BTNL9: variants seen among roughly 807,000 people sequenced by gnomAD.
BTNL9 encodes butyrophilin-like protein 9.
A neutral mutation model predicts 45.8 loss-of-function variants in BTNL9; 45 were observed. The observed-to-expected ratio is 0.98, with a 90% CI of 0.77 to 1.26. The LOEUF (loss-of-function observed/expected upper bound fraction) is 1.26. BTNL9 is among the 50% of genes most tolerant of loss of function. The pLI, the probability that BTNL9 is intolerant of heterozygous loss-of-function variation, is 0.00. For missense variants in BTNL9, 784 were observed against 729.7 expected (o/e 1.07, Z -0.86); for synonymous variants, 346 against 330.8 (o/e 1.05, Z -0.50).
intron 10 of BTNL9, among the ~76,000 whole-genome samples, chr5:181,058,649 C>T (rs1027272697): frequency 6.6e-6 from 1 of 151,976 alleles, no homozygotes; most frequent in Non-Finnish European, 1.5e-5. Context: ...TATTTGCAGG[C>T]GAGAGTGCAG....
At chr5:181,044,343 A>G (rs1760971263) in intron 1 of BTNL9, among the ~76,000 whole-genome samples, 1 of 152,150 alleles carries the variant, frequency 6.6e-6, no homozygotes, top group South Asian at 2.1e-4. Flanking sequence ...TCTCGGAAGA[A>G]AAGCCAAGCC....
At position 181,050,462 on chromosome 5, in the gene BTNL9, C is replaced by A. The variant is rs941437409; in HGVS notation, c.736+93C>A. 1.4e-6 allele frequency: 2 copies of A among 1,425,602 alleles called. No individual in the cohort carries two copies. Among genetic ancestry groups the A allele is most frequent in the African/African-American group, 1.4e-5 (1 of 70,738 alleles). 88.3% of individuals were successfully genotyped at this position (1,425,602 alleles called of 1,614,324 possible). A position where few individuals can be genotyped will look rare whatever the true frequency, so the allele number is the denominator to read the frequency against. ...AGTCTATAAAGACACAATGGTACTG[C>A]GCCTGTCTGCATATAGGGTGTGTTG... On this transcript the variant is annotated intron_variant, in intron 4 of 10. Coordinates refer to ENST00000327705, the MANE Select transcript of BTNL9 (RefSeq NM_152547.5). This position sits in a 1 kb window ranked among gnomAD's most constrained non-coding sequence, Gnocchi z 4.9.
intron 7 of BTNL9, chr5:181,054,913 T>A: frequency 2.0e-6 from 2 of 985,476 alleles, no homozygotes; most frequent in South Asian, 9.4e-5. Context: ...CCCAGGAGCA[T>A]TTACTTTTGA....
At chr5:181,044,495 A>G (rs1315880158) in intron 1 of BTNL9, among the ~76,000 whole-genome samples, 11 of 152,178 alleles carry the variant, frequency 7.2e-5, no homozygotes, top group African/African-American at 2.7e-4. Flanking sequence ...GGCAGGGGGA[A>G]GGGAGGTGCT....
rs554719461 is a variant in BTNL9, at chr5:181,042,877, G to C, written c.-24+2445G>C. ...TGGTCTGTGGCCAGCTGGTTCCTGA[G>C]ACGGTCATGGTTTTGGGTAACAGGA... On this transcript the variant is annotated intron_variant, in intron 1 of 10. Coordinates refer to ENST00000327705, the MANE Select transcript of BTNL9 (RefSeq NM_152547.5). This position sits in a 1 kb window ranked among gnomAD's most constrained non-coding sequence, Gnocchi z 4.5. 3.9e-5 allele frequency among the ~76,000 whole-genome samples: 6 copies of C among 152,258 alleles called. No homozygotes were observed. Among genetic ancestry groups the C allele is most frequent in the Admixed American group, 3.9e-4 (6 of 15,274 alleles).
Position 181,059,962 on chromosome 5 carries a change from C to A in BTNL9, c.*100C>A. On this transcript the variant is annotated 3_prime_UTR_variant, in exon 11 of 11. Transcript: ENST00000327705. ...GTCTGAAGGGAGCAGGTGCACCAGC[C>A]AAAATGTCAGCGAGGGGGACAAAGA... is the stretch of plus-strand genomic sequence containing the variant. 2.7e-6 allele frequency: 3 copies of A among 1,105,250 alleles called. No individual in the cohort carries two copies. The highest frequency in any genetic ancestry group is 1.6e-5 in the South Asian group (1 of 60,748). 68.5% of individuals were successfully genotyped at this position (1,105,250 alleles called of 1,614,324 possible).
intron 1 of BTNL9, 104 bp from the exon 2 acceptor site, chr5:181,045,363 A>T (rs1761041008): frequency 7.7e-6 from 5 of 648,844 alleles, no homozygotes; most frequent in Non-Finnish European, 1.4e-5. Context: ...TTTGAGAACT[A>T]GACAAAAATA....
Position 181,060,740 on chromosome 5 carries a change from A to G in BTNL9, c.*878A>G, listed in dbSNP as rs996588791. On this transcript the variant is annotated 3_prime_UTR_variant, in exon 11 of 11. Transcript: ENST00000327705. Reference sequence around the variant, plus strand: ...TGAAAGGGGAAAGGTTACCTTTACAATGGAGACATCTACCAGATCATCCAA... The same window carrying G: ...TGAAAGGGGAAAGGTTACCTTTACAGTGGAGACATCTACCAGATCATCCAA... 2 of 152,182 alleles carry G rather than the reference A, an allele frequency of 1.3e-5. No individual in the cohort carries two copies. Among genetic ancestry groups the G allele is most frequent in the African/African-American group, 4.8e-5 (2 of 41,428 alleles). 9.4% of individuals were successfully genotyped at this position (152,182 alleles called of 1,614,324 possible).
At position 181,055,830 on chromosome 5, in the gene BTNL9, C is replaced by A; in HGVS notation, c.929-159C>A. 1.2e-6 allele frequency: 1 copy of A among 822,940 alleles called. No homozygotes were observed. Among genetic ancestry groups the A allele is most frequent in the Non-Finnish European group, 2.2e-6 (1 of 463,060 alleles). 51.0% of individuals were successfully genotyped at this position (822,940 alleles called of 1,614,324 possible). On this transcript the variant is annotated intron_variant, in intron 8 of 10. Transcript: ENST00000327705. The surrounding 1 kb of genome is among the most constrained non-coding windows in gnomAD (Gnocchi z 4.4). ...TTGCATCTGATTCCCCATATATCTTCTTCTCATCTCCCAACCAGGTATGAT... is the reference window on the plus strand; with the variant it reads ...TTGCATCTGATTCCCCATATATCTTATTCTCATCTCCCAACCAGGTATGAT...
Position 181,053,109 on chromosome 5 carries a change from G to A in BTNL9, c.737-91G>A. On this transcript the variant is annotated intron_variant, in intron 4 of 10. Coordinates refer to ENST00000327705, the MANE Select transcript of BTNL9 (RefSeq NM_152547.5). The surrounding 1 kb of genome is among the most constrained non-coding windows in gnomAD (Gnocchi z 6.5). Reference sequence around the variant, plus strand: ...GTGGCGCCCGGAGAAGGTCCCGCGGGAGGTTTCCCGGCACGCGGCGGGCAG... The same window carrying A: ...GTGGCGCCCGGAGAAGGTCCCGCGGAAGGTTTCCCGGCACGCGGCGGGCAG... 2.6e-6 allele frequency: 3 copies of A among 1,136,906 alleles called. No individual in the cohort carries two copies. Among genetic ancestry groups the A allele is most frequent in the Non-Finnish European group, 3.7e-6 (3 of 812,428 alleles). 70.4% of individuals were successfully genotyped at this position (1,136,906 alleles called of 1,614,324 possible).
At position 181,042,919 on chromosome 5, in the gene BTNL9, C is replaced by T. The variant is rs1235432981; in HGVS notation, c.-24+2487C>T. On this transcript the variant is annotated intron_variant, in intron 1 of 10. Coordinates refer to ENST00000327705, the MANE Select transcript of BTNL9 (RefSeq NM_152547.5). This position sits in a 1 kb window ranked among gnomAD's most constrained non-coding sequence, Gnocchi z 4.5. ...GTAACAGGAGTGACGGAAGGGTGTA[C>T]CCAGACACACGACGTAGCTGGTGAG... Among the ~76,000 whole-genome samples the T allele has an allele frequency of 6.6e-6, 1 of 151,806 alleles. No individual in the cohort carries two copies. Among genetic ancestry groups the T allele is most frequent in the African/African-American group, 2.4e-5 (1 of 41,288 alleles).
chr5:181,053,515 G>T lies in BTNL9; in HGVS notation c.886+14G>T, dbSNP rs756274746. ...AGAAGAGACAAGGTGAGCGGGGACA[G>T]GGCGTTCTGCACGCACCTGCCCAAG... On this transcript the variant is annotated intron_variant, in intron 6 of 10. Transcript: ENST00000327705. This position sits in a 1 kb window ranked among gnomAD's most constrained non-coding sequence, Gnocchi z 6.5. 7.0e-6 allele frequency: 11 copies of T among 1,574,244 alleles called. No homozygotes were observed. Among genetic ancestry groups the T allele is most frequent in the Non-Finnish European group, 7.8e-6 (9 of 1,159,844 alleles).
rs1247378718 is a variant in BTNL9, at chr5:181,042,013, C to A, written c.-24+1581C>A. Among the ~76,000 whole-genome samples the A allele has an allele frequency of 1.3e-5, 2 of 151,994 alleles. No individual in the cohort carries two copies. The highest frequency in any genetic ancestry group is 4.8e-5 in the African/African-American group (2 of 41,376). On this transcript the variant is annotated intron_variant, in intron 1 of 10. Transcript: ENST00000327705. The surrounding 1 kb of genome is among the most constrained non-coding windows in gnomAD (Gnocchi z 4.5). The stretch of plus-strand genomic sequence containing the variant: ...TTTAAAGACAGACTCGACGGAGGGA[C>A]CGGAAATCAGAAAAACATCAGGGTT...
At position 181,059,891 on chromosome 5, in the gene BTNL9, C is replaced by G. The variant is rs770398660; in HGVS notation, c.*29C>G. The G allele has an allele frequency of 2.0e-6, 3 of 1,476,718 alleles. No homozygotes were observed. Among genetic ancestry groups the G allele is most frequent in the African/African-American group, 2.8e-5 (2 of 71,534 alleles). 91.5% of individuals were successfully genotyped at this position (1,476,718 alleles called of 1,614,324 possible). A position where few individuals can be genotyped will look rare whatever the true frequency, so the allele number is the denominator to read the frequency against. On this transcript the variant is annotated 3_prime_UTR_variant, in exon 11 of 11. Transcript: ENST00000327705. ...GCCCTCGTGGCCGCGGGACTGGCCC[C>G]GGGGGGCCCCCTGGATCCCAGGCCA...
At chr5:181,046,391 C>A (rs988124225) in intron 2 of BTNL9, among the ~76,000 whole-genome samples, 3 of 152,124 alleles carry the variant, frequency 2.0e-5, no homozygotes, top group Non-Finnish European at 4.4e-5. Flanking sequence ...TAGCAGGGAG[C>A]AGAGCAAGAC....
At position 181,053,399 on chromosome 5, in the gene BTNL9, C is replaced by T. The variant is rs1029884664; in HGVS notation, c.854-70C>T. 2.6e-6 allele frequency: 4 copies of T among 1,532,248 alleles called. No homozygotes were observed. In the African/African-American group the frequency reaches 4.1e-5, roughly 16 times the overall value. 94.9% of individuals were successfully genotyped at this position (1,532,248 alleles called of 1,614,324 possible). A position where few individuals can be genotyped will look rare whatever the true frequency, so the allele number is the denominator to read the frequency against. ...CGCGGAGGCGCCTCCCCCCAGGACGCGGCGCGGGAAGGCGGCCTGGAAGGG... is the reference window on the plus strand; with the variant it reads ...CGCGGAGGCGCCTCCCCCCAGGACGTGGCGCGGGAAGGCGGCCTGGAAGGG... On this transcript the variant is annotated intron_variant, in intron 5 of 10. Coordinates refer to ENST00000327705, the MANE Select transcript of BTNL9 (RefSeq NM_152547.5). The surrounding 1 kb of genome is among the most constrained non-coding windows in gnomAD (Gnocchi z 6.5).
chr5:181,053,508 G>C lies in BTNL9; in HGVS notation c.886+7G>C. 1 of 1,576,788 alleles carries C rather than the reference G, an allele frequency of 6.3e-7. No individual in the cohort carries two copies. Among genetic ancestry groups the C allele is most frequent in the Non-Finnish European group, 8.6e-7 (1 of 1,161,240 alleles). Reference sequence around the variant, plus strand: ...CAGGCGGAGAAGAGACAAGGTGAGCGGGGACAGGGCGTTCTGCACGCACCT... The same window carrying C: ...CAGGCGGAGAAGAGACAAGGTGAGCCGGGACAGGGCGTTCTGCACGCACCT... On this transcript the variant is annotated splice_region_variant and intron_variant, in intron 6 of 10. Coordinates refer to ENST00000327705, the MANE Select transcript of BTNL9 (RefSeq NM_152547.5). This position sits in a 1 kb window ranked among gnomAD's most constrained non-coding sequence, Gnocchi z 6.5.
chr5:181,056,080 C>T (rs1282861046), intron 9 of BTNL9, 65 bp downstream of exon 9: 2 of 1,561,178 alleles, frequency 1.3e-6, no homozygotes, highest in Admixed American at 1.7e-5. Flanking sequence ...GTCCAACTCA[C>T]CTGATTAACC....
intron 1 of BTNL9, chr5:181,043,492 A>G (rs1047942529): frequency 6.6e-6 from 1 of 152,246 alleles, no homozygotes; most frequent in Non-Finnish European, 1.5e-5. Context: ...CTTCTGTGAG[A>G]AGGCCAGCTG....
Sources: allele counts gnomAD v4.1 joint callset (sites outside exome capture counted in the v4.1 genomes callset), GRCh38; gene constraint gnomAD v4.1.1; non-coding constraint Gnocchi (gnomAD v3.1); transcripts MANE v1.5; gene names NCBI Gene and HGNC (gene_info 2026-07-23, HGNC 2026-07-21).